Variants in PDZD2 observed in about 807,000 individuals in gnomAD.
PDZD2 encodes the protein PDZ domain-containing protein 2.
Under a neutral mutation model 220.7 loss-of-function variants are expected in PDZD2, and 90 were observed. The ratio of observed to expected loss-of-function variants is 0.41; its 90% CI spans 0.34 to 0.49. The LOEUF (loss-of-function observed/expected upper bound fraction) is 0.49, where lower values mean the gene tolerates loss of function less well. Among genes scored for constraint, PDZD2 ranks in the 20% least tolerant of loss-of-function variants. PDZD2 has a pLI of 0.28. For missense variants in PDZD2, 3,174 were observed against 3,608.5 expected (o/e 0.88, Z 3.08); for synonymous variants, 1,375 against 1,450.5 (o/e 0.95, Z 1.18).
At chr5:31,847,840 G>A in intron 2 of PDZD2, 1 of 546,754 alleles carries the variant, frequency 1.8e-6, no homozygotes, top group South Asian at 1.4e-5. Context: ...ACTTAATGCA[G>A]AAGTTAATGC....
At chr5:31,864,523 CTTTT>C (rs962086402) in intron 2 of PDZD2, among the ~76,000 whole-genome samples, 2 of 146,472 alleles carry the variant, frequency 1.4e-5, no homozygotes, top group African/African-American at 5.0e-5. Context: ...GAATTGCATC[CTTTT>C]TTTTTTTTGG....
intron 2 of PDZD2, among the ~76,000 whole-genome samples, chr5:31,981,356 G>A (rs1303839080): frequency 6.6e-6 from 1 of 152,116 alleles, no homozygotes; most frequent in Non-Finnish European, 1.5e-5. Context: ...TGACCATTAG[G>A]TATGGGGAAT....
At chr5:32,097,095 G>C (rs1344908728) in intron 21 of PDZD2, among the ~76,000 whole-genome samples, 184 bp from the exon 22 acceptor site, 2 of 152,124 alleles carry the variant, frequency 1.3e-5, no homozygotes, top group African/African-American at 4.8e-5. Flanking sequence ...CAGAGTGTTG[G>C]GATTACAGGC....
At chr5:31,898,719 G>A (rs563277828) in intron 2 of PDZD2, among the ~76,000 whole-genome samples, 136 of 151,590 alleles carry the variant, frequency 9.0e-4, no homozygotes, top group Non-Finnish European at 6.5e-4. Context: ...GCTCTGGGGG[G>A]CAGTTTCCTT....
intron 3 of PDZD2, among the ~76,000 whole-genome samples, chr5:31,990,782 A>C (rs928668482): frequency 1.3e-5 from 2 of 152,252 alleles, no homozygotes; most frequent in African/African-American, 4.8e-5. Context: ...ACAAACAATA[A>C]ATAAGCAAAT....
At chr5:31,796,634 A>G (rs4867381) in intron 1 of PDZD2, among the ~76,000 whole-genome samples, 23,112 of 152,066 alleles carry the variant, frequency 0.15, 2,824 homozygotes, top group East Asian at 0.64. Context: ...GGGGAGCGGG[A>G]GAGGTGTTAT....
chr5:32,089,724 C>T lies in PDZD2; in HGVS notation c.6276C>T (p.Ile2092=). ...DRLERTNQLK[I]VEISAEAVSE... is the part of the protein sequence containing the mutation. The stretch of plus-strand genomic sequence containing the variant: ...TCGAAAGAACAAACCAGCTGAAAAT[C>T]GTGGAGATTTCTGCTGAAGCAGTGT... Residue 2092 remains isoleucine (I), a synonymous_variant, in exon 20 of 25, where the codon ATC becomes ATT. Transcript: ENST00000438447. The T allele has an allele frequency of 1.9e-6, 3 of 1,614,154 alleles. No individual in the cohort carries two copies. The highest frequency in any genetic ancestry group is 1.1e-5 in the South Asian group (1 of 91,078).
chr5:32,106,694 A>G (rs1343126979), intron 24 of PDZD2, among the ~76,000 whole-genome samples: 1 of 152,234 alleles, frequency 6.6e-6, no homozygotes, highest in Non-Finnish European at 1.5e-5. Flanking sequence ...GAACACTCAC[A>G]AAATTCTTTT....
At chr5:31,793,220 A>T (rs1472510536) in intron 1 of PDZD2, among the ~76,000 whole-genome samples, 1 of 126,582 alleles carries the variant, frequency 7.9e-6, no homozygotes. Context: ...AGGGCCAGAC[A>T]TCCTTGTTTT....
rs1341491544 is a variant in PDZD2 at position 31,639,528 on chromosome 5, C to T, written c.-361+91C>T. 2 of 152,088 alleles carry T rather than the reference C, an allele frequency of 1.3e-5. No homozygotes were observed. Among genetic ancestry groups the T allele is most frequent in the Admixed American group, 1.3e-4 (2 of 15,300 alleles). 9.4% of individuals were successfully genotyped at this position (152,088 alleles called of 1,614,324 possible). A position where few individuals can be genotyped will look rare whatever the true frequency, so the allele number is the denominator to read the frequency against. On this transcript the variant is annotated intron_variant, in intron 1 of 24. Coordinates refer to ENST00000438447, the MANE Select transcript of PDZD2 (RefSeq NM_178140.4). This position sits in a 1 kb window ranked among gnomAD's most constrained non-coding sequence, Gnocchi z 4.1. ...CGGCACCCCCGAGACCGTGTGTGCCCAGGAAAGTTTAGCTACAAATCCGGG... is the reference window on the plus strand; with the variant it reads ...CGGCACCCCCGAGACCGTGTGTGCCTAGGAAAGTTTAGCTACAAATCCGGG...
chr5:31,728,672 TG>T (rs1749322085), intron 1 of PDZD2, among the ~76,000 whole-genome samples: 1 of 152,210 alleles, frequency 6.6e-6, no homozygotes, highest in South Asian at 2.1e-4. Flanking sequence ...TTTGTTGCAA[TG>T]GCCATGAAAT....
intron 2 of PDZD2, among the ~76,000 whole-genome samples, chr5:31,953,281 T>G (rs2111628321): frequency 6.6e-6 from 1 of 152,246 alleles, no homozygotes; most frequent in East Asian, 1.9e-4. Context: ...GACAGTCTGT[T>G]TAGTAAATTG....
intron 13 of PDZD2, among the ~76,000 whole-genome samples, chr5:32,060,255 T>C (rs1211790518): frequency 1.3e-5 from 2 of 152,228 alleles, no homozygotes; most frequent in Non-Finnish European, 2.9e-5. Context: ...AATCCTTTAA[T>C]GACATCCCAA....
intron 1 of PDZD2, among the ~76,000 whole-genome samples, chr5:31,794,561 C>T (rs1203937624): frequency 4.6e-5 from 7 of 151,690 alleles, no homozygotes; most frequent in Admixed American, 1.3e-4. Context: ...CCACCACTCC[C>T]GGCTAATTTT....
At chr5:31,694,790 TTTA>T (rs139273289) in intron 1 of PDZD2, among the ~76,000 whole-genome samples, 4,746 of 116,526 alleles carry the variant, frequency 0.041, 272 homozygotes, top group African/African-American at 0.12. Context: ...TTTTATTTTA[TTTA>T]TTTATTTTTT....
chr5:31,911,362 C>T (rs1743187990), intron 2 of PDZD2, among the ~76,000 whole-genome samples: 1 of 152,198 alleles, frequency 6.6e-6, no homozygotes, highest in African/African-American at 2.4e-5. Context: ...CAATACAGAG[C>T]CTGGGGCAGT....
intron 2 of PDZD2, among the ~76,000 whole-genome samples, chr5:31,823,319 T>A (rs1027720474): frequency 2.6e-5 from 4 of 151,610 alleles, no homozygotes; most frequent in African/African-American, 4.8e-5. Flanking sequence ...TAGAAAAAAA[T>A]TAGCTTGGTA....
chr5:31,667,235 C>CAA (rs3031718), intron 1 of PDZD2, among the ~76,000 whole-genome samples: 24,475 of 52,782 alleles, frequency 0.46, 6,887 homozygotes, highest in Non-Finnish European at 0.51. Context: ...GACTCCGTCT[C>CAA]AAAAAAAAAA....
At chr5:31,643,946 G>A (rs949154872) in intron 1 of PDZD2, among the ~76,000 whole-genome samples, 10 of 151,586 alleles carry the variant, frequency 6.6e-5, no homozygotes, top group Middle Eastern at 3.4e-3. Flanking sequence ...AGCCTCCCAA[G>A]TAGCTGGGAA....
Sources: allele counts gnomAD v4.1 joint callset (sites outside exome capture counted in the v4.1 genomes callset), GRCh38; gene constraint gnomAD v4.1.1; non-coding constraint Gnocchi (gnomAD v3.1); transcripts MANE v1.5; gene names NCBI Gene and HGNC (gene_info 2026-07-23, HGNC 2026-07-21).